FANCB: variants seen among roughly 807,000 people sequenced by gnomAD.
FANCB encodes the protein FA complementation group B, also known as Fanconi anemia group B protein.
FANCB carries 5 observed loss-of-function variants against 38.9 expected under a neutral mutation model. The ratio of observed to expected loss-of-function variants is 0.13; its 90% CI spans 0.07 to 0.27. The LOEUF is 0.27. Ranked by LOEUF, FANCB falls within the 10% of genes least tolerant of loss-of-function variation. FANCB has a pLI of 1.00. For synonymous variants in FANCB, 236 were observed against 215.4 expected (o/e 1.10, Z -0.84); for missense variants, 573 against 602.7 (o/e 0.95, Z 0.52).
At chrX:14,837,159 A>C (rs2092343376) in intron 10 of FANCB, among the ~76,000 whole-genome samples, 1 of 112,405 alleles carries the variant, frequency 8.9e-6, no homozygotes, top group Admixed American at 9.5e-5. Context: ...CAAAAGGTAC[A>C]AATAGAAAAC....
the FANCB span, among the ~76,000 whole-genome samples, chrX:14,812,198 C>T: frequency 9.1e-6 from 1 of 110,043 alleles, no homozygotes; most frequent in Non-Finnish European, 1.9e-5. Context: ...ACTAAATGCC[C>T]ACAAGAGAAA....
At chrX:14,801,100 T>C in the FANCB span, among the ~76,000 whole-genome samples, 1 of 111,715 alleles carries the variant, frequency 9.0e-6, no homozygotes, top group East Asian at 2.8e-4. Context: ...TGGGCGTGGC[T>C]GCTGGAAGCA....
chrX:14,774,265 A>G, the FANCB span, among the ~76,000 whole-genome samples: 17 of 112,119 alleles, frequency 1.5e-4, no homozygotes, highest in Non-Finnish European at 2.6e-4. Context: ...GAATAACAAA[A>G]GTAATGAAGA....
the FANCB span, among the ~76,000 whole-genome samples, chrX:14,691,662 T>G: frequency 9.0e-6 from 1 of 111,699 alleles, no homozygotes. Flanking sequence ...CCTCTGTATT[T>G]CTGCAGCTCC....
At chrX:14,740,975 C>T in the FANCB span, among the ~76,000 whole-genome samples, 1 of 110,581 alleles carries the variant, frequency 9.0e-6, no homozygotes, top group Non-Finnish European at 1.9e-5. Context: ...CACACACACA[C>T]GCACACACAC....
chrX:14,759,269 A>G, the FANCB span, among the ~76,000 whole-genome samples: 2 of 112,009 alleles, frequency 1.8e-5, no homozygotes, highest in African/African-American at 3.2e-5. Context: ...GAGGGAGAAG[A>G]GAAATGTAAA....
chrX:14,811,667 G>C, the FANCB span, among the ~76,000 whole-genome samples: 1 of 111,514 alleles, frequency 9.0e-6, no homozygotes, highest in African/African-American at 3.3e-5. Flanking sequence ...ATTCATAAAG[G>C]AAGTCCTGAG....
At chrX:14,863,050 T>C (rs1367446977) in intron 3 of FANCB, among the ~76,000 whole-genome samples, 1 of 112,374 alleles carries the variant, frequency 8.9e-6, no homozygotes, top group African/African-American at 3.2e-5. Flanking sequence ...AGCTTTCAAA[T>C]TATTTTCCTT....
At chrX:14,739,297 C>A in the FANCB span, among the ~76,000 whole-genome samples, 1 of 111,526 alleles carries the variant, frequency 9.0e-6, no homozygotes, top group Non-Finnish European at 1.9e-5. Flanking sequence ...TCCAAGGTGC[C>A]CAGATCACAA....
chrX:14,774,883 C>T, the FANCB span, among the ~76,000 whole-genome samples: 6 of 111,081 alleles, frequency 5.4e-5, no homozygotes, highest in Non-Finnish European at 1.1e-4. Flanking sequence ...CCCAGGCTAG[C>T]GTGCAGTGGC....
intron 2 of FANCB, among the ~76,000 whole-genome samples, chrX:14,865,872 T>A (rs1365335919): frequency 8.9e-6 from 1 of 112,361 alleles, no homozygotes; most frequent in African/African-American, 3.2e-5. Context: ...TGACTTCAGA[T>A]ATTTGTTCTG....
chrX:14,717,345 T>TAAAAAA, the FANCB span, among the ~76,000 whole-genome samples: 1 of 91,335 alleles, frequency 1.1e-5, no homozygotes. Flanking sequence ...CTTAAGAAAG[T>TAAAAAA]AAAAAAAAAA....
the FANCB span, among the ~76,000 whole-genome samples, chrX:14,699,956 AAC>A: frequency 8.9e-6 from 1 of 111,864 alleles, no homozygotes; most frequent in African/African-American, 3.3e-5. Context: ...AGAGGGGAAC[AAC>A]ACACACTGGG....
At chrX:14,774,054 A>G in the FANCB span, among the ~76,000 whole-genome samples, 1 of 112,096 alleles carries the variant, frequency 8.9e-6, no homozygotes, top group South Asian at 3.7e-4. Context: ...CAAAATAATA[A>G]ATGCCTACTA....
At chrX:14,812,311 A>G in the FANCB span, among the ~76,000 whole-genome samples, 10 of 110,540 alleles carry the variant, frequency 9.0e-5, no homozygotes, top group South Asian at 3.9e-4. Flanking sequence ...AAATAACTAA[A>G]ATCAGAGCAG....
chrX:14,783,778 T>C, the FANCB span, among the ~76,000 whole-genome samples: 1 of 112,871 alleles, frequency 8.9e-6, no homozygotes, highest in African/African-American at 3.2e-5. Context: ...AGTGTTTGGA[T>C]GCTTGCCCCA....
At chrX:14,745,231 T>C in the FANCB span, among the ~76,000 whole-genome samples, 2 of 111,931 alleles carry the variant, frequency 1.8e-5, no homozygotes, top group African/African-American at 3.2e-5. Flanking sequence ...CAGTGATTCA[T>C]GAATCAGGCA....
the FANCB span, among the ~76,000 whole-genome samples, chrX:14,778,899 G>A: frequency 7.1e-5 from 8 of 112,075 alleles, no homozygotes; most frequent in Non-Finnish European, 1.1e-4. Flanking sequence ...TGTCCTTCCC[G>A]TGGCTTCTGC....
chrX:14,861,527 T>C, intron 3 of FANCB, among the ~76,000 whole-genome samples: 1 of 111,598 alleles, frequency 9.0e-6, no homozygotes, highest in East Asian at 2.8e-4. Flanking sequence ...ACTGCTTCTA[T>C]TGCTTTCTAT....
Sources: allele counts gnomAD v4.1 joint callset (sites outside exome capture counted in the v4.1 genomes callset), GRCh38; gene constraint gnomAD v4.1.1; transcripts MANE v1.5; gene names NCBI Gene and HGNC (gene_info 2026-07-23, HGNC 2026-07-21).